The following RPS16 variants were observed in gnomAD, a reference collection of about 807,000 sequenced individuals.
RPS16 encodes the protein ribosomal protein S16.
Under a neutral mutation model 20.1 loss-of-function variants are expected in RPS16, and 2 were observed. The observed-to-expected ratio is 0.10, with a 90% CI of 0.04 to 0.31. The LOEUF (loss-of-function observed/expected upper bound fraction) is 0.31, where lower values mean the gene tolerates loss of function less well. Ranked by LOEUF, RPS16 falls within the 10% of genes least tolerant of loss-of-function variation. RPS16 has a pLI of 1.00. For synonymous variants in RPS16, 95 were observed against 76.1 expected, an observed-to-expected ratio of 1.25 and a Z score of -1.29; for missense variants, 129 against 198.6, an observed-to-expected ratio of 0.65 and a Z score of 2.11.
chr19:39,433,210 T>A lies in RPS16; in HGVS notation c.*63A>T. ...CAACACATAAGGCCACACACAGTTC[T>A]TGAAACTTTAAAATCCCTCAAAAAC... On this transcript the variant is annotated 3_prime_UTR_variant, in exon 5 of 5. Coordinates refer to ENST00000251453, the MANE Select transcript of RPS16 (RefSeq NM_001020.6). 1 of 1,560,316 alleles carries A rather than the reference T, an allele frequency of 6.4e-7. No individual in the cohort carries two copies. The highest frequency in any genetic ancestry group is 8.8e-7 in the Non-Finnish European group (1 of 1,137,176).
rs773497612 is a variant in RPS16, at chr19:39,435,906, G to A, written c.-11C>T. On this transcript the variant is annotated 5_prime_UTR_variant, in exon 1 of 5. The change creates a new upstream start codon in the 5' untranslated region. Transcript: ENST00000251453. The stretch of plus-strand genomic sequence containing the variant: ...GCCCTTGGACGGCATGGCTCCGAGC[G>A]TGGACTAGACAACCTCACCGCGCGG... The A allele has an allele frequency of 5.6e-6, 9 of 1,604,100 alleles. No homozygotes were observed. Among genetic ancestry groups the A allele is most frequent in the South Asian group, 1.1e-5 (1 of 91,086 alleles).
At position 39,433,169 on chromosome 19, in the gene RPS16, G is replaced by C; in HGVS notation, c.*104C>G. On this transcript the variant is annotated 3_prime_UTR_variant, in exon 5 of 5. Transcript: ENST00000251453. ...CAGGATGTTTACTGATTTCTGTCTG[G>C]TTAAACATCCAATACCAACACATAA... 8.0e-7 allele frequency: 1 copy of C among 1,252,212 alleles called. No individual in the cohort carries two copies. The highest frequency in any genetic ancestry group is 1.5e-5 in the African/African-American group (1 of 66,682). 77.6% of individuals were successfully genotyped at this position (1,252,212 alleles called of 1,614,324 possible).
Position 39,433,161 on chromosome 19 carries a change from T to G in RPS16, c.*112A>C, listed in dbSNP as rs533968275. On this transcript the variant is annotated 3_prime_UTR_variant, in exon 5 of 5. Coordinates refer to ENST00000251453, the MANE Select transcript of RPS16 (RefSeq NM_001020.6). ...AATAGGTCCAGGATGTTTACTGATT[T>G]CTGTCTGGTTAAACATCCAATACCA... 2.5e-6 allele frequency: 3 copies of G among 1,186,904 alleles called. No individual in the cohort carries two copies. The African/African-American group carries it at 4.6e-5, about 18-fold the overall frequency. 73.5% of individuals were successfully genotyped at this position (1,186,904 alleles called of 1,614,324 possible).
intron 2 of RPS16, 92 bp from the exon 3 acceptor site, chr19:39,433,853 C>G: frequency 8.3e-7 from 1 of 1,211,592 alleles, no homozygotes; most frequent in Non-Finnish European, 1.2e-6. Context: ...CTTCTGCCAC[C>G]ACTGGCCTTC....
chr19:39,433,507 C>G lies in RPS16; in HGVS notation c.295+15G>C, dbSNP rs1434596896. On this transcript the variant is annotated intron_variant, in intron 4 of 4. Coordinates refer to ENST00000251453, the MANE Select transcript of RPS16 (RefSeq NM_001020.6). ...ACACCCATCTACCTCATGGGAAGGA[C>G]CCATGCTCACTCACATTTCTGGTAA... 2 of 1,614,022 alleles carry G rather than the reference C, an allele frequency of 1.2e-6. No homozygotes were observed. The highest frequency in any genetic ancestry group is 4.5e-5 in the East Asian group (2 of 44,874).
chr19:39,435,250 G>C, intron 2 of RPS16: 1 of 221,256 alleles, frequency 4.5e-6, no homozygotes, highest in South Asian at 8.2e-5. Flanking sequence ...AGTGATCCGA[G>C]ATCGCGCCAC....
chr19:39,433,439 G>A (rs754482509), intron 4 of RPS16, 21 bp from the exon 5 acceptor site: 48 of 1,613,650 alleles, frequency 3.0e-5, no homozygotes, highest in South Asian at 1.5e-4. Flanking sequence ...GAGCAGGGAC[G>A]AGGATTTAGA....
chr19:39,433,498 TG>T, intron 4 of RPS16, 23 bp downstream of exon 4: 1 of 1,613,342 alleles, frequency 6.2e-7, no homozygotes, highest in Non-Finnish European at 8.5e-7. Context: ...ATCTACCTCA[TG>T]GGAAGGACCC....
intron 2 of RPS16, chr19:39,434,905 G>A (rs1024889454): frequency 6.6e-6 from 1 of 152,152 alleles, no homozygotes; most frequent in Non-Finnish European, 1.5e-5. Flanking sequence ...GTTCAGAAGG[G>A]GCAGAAATCA....
intron 2 of RPS16, 195 bp from the exon 3 acceptor site, chr19:39,433,956 G>A (rs1318775474): frequency 1.0e-5 from 6 of 582,792 alleles, no homozygotes; most frequent in Admixed American, 3.0e-5. Context: ...TGAGACTGCT[G>A]AAGTGGTGTT....
intron 1 of RPS16, 65 bp from the exon 2 acceptor site, chr19:39,435,773 G>A: frequency 1.9e-6 from 3 of 1,606,174 alleles, no homozygotes; most frequent in Non-Finnish European, 1.7e-6. Context: ...TTACCCCCTA[G>A]ATTCCTGCCC....
chr19:39,433,392 T>C lies in RPS16; in HGVS notation c.322A>G (p.Ile108Val), dbSNP rs930747839. 2.5e-6 allele frequency: 4 copies of C among 1,614,094 alleles called. No individual in the cohort carries two copies. The East Asian group carries it at 8.9e-5, about 36-fold the overall frequency. The change falls in exon 5 of 5, where the codon ATC becomes GTC. Residue 108 changes from isoleucine to valine, a missense_variant. Around this residue, in one of 2 missense-constraint regions of RPS16, gnomAD observed 117 missense variants for 151.4 expected, o/e 0.77. Coordinates refer to ENST00000251453, the MANE Select transcript of RPS16 (RefSeq NM_001020.6). ...KYVDEASKKE[I>V]KDILIQYDRT... ...TCATACTGGATGAGGATGTCTTTGA[T>C]CTCCTTCTTGGAAGCCTCATCCACA...
At chr19:39,433,916 AGAG>A (rs1166942981) in intron 2 of RPS16, 155 bp from the exon 3 acceptor site, 5 of 658,354 alleles carry the variant, frequency 7.6e-6, no homozygotes, top group Non-Finnish European at 1.3e-5. Context: ...CTACAGACCC[AGAG>A]AAGAGGAAAG....
rs757283224 is a variant in RPS16 at position 39,435,616 on chromosome 19, T to C, written c.141A>G (p.Leu47=). ...RPLEMIEPRT[L]QYKLLEPVLL... ...TGCCGGATCCCAGCACCTTGTACTG[T>C]AGCGTGCGCGGCTCAATCATCTCCA... The change falls in exon 2 of 5, where the codon CTA becomes CTG. Residue 47 remains leucine (L), a synonymous_variant. Coordinates refer to ENST00000251453, the MANE Select transcript of RPS16 (RefSeq NM_001020.6). 75 of 1,613,626 alleles carry C rather than the reference T, an allele frequency of 4.6e-5. No individual in the cohort carries two copies. The South Asian group carries it at 6.1e-4, about 13-fold the overall frequency.
In RPS16 at chr19:39,433,431, G is replaced by A. The variant is rs368986358; in HGVS notation, c.296-13C>T. 6 of 1,613,874 alleles carry A rather than the reference G, an allele frequency of 3.7e-6. No homozygotes were observed. Among genetic ancestry groups the A allele is most frequent in the African/African-American group, 2.7e-5 (2 of 74,912 alleles). On this transcript the variant is annotated splice_polypyrimidine_tract_variant and intron_variant, in intron 4 of 4. Transcript: ENST00000251453. The stretch of plus-strand genomic sequence containing the variant: ...GCCTCATCCACATCTGGCAAGAAGA[G>A]CAGGGACGAGGATTTAGATAATCAC...
rs755646812 is a variant in RPS16, at chr19:39,435,916, C to A, written c.-21G>T. Reference sequence around the variant, plus strand: ...GGCATGGCTCCGAGCGTGGACTAGACAACCTCACCGCGCGGCGCCGCAACC... The same window carrying A: ...GGCATGGCTCCGAGCGTGGACTAGAAAACCTCACCGCGCGGCGCCGCAACC... On this transcript the variant is annotated 5_prime_UTR_variant, in exon 1 of 5. Coordinates refer to ENST00000251453, the MANE Select transcript of RPS16 (RefSeq NM_001020.6). The A allele has an allele frequency of 1.2e-6, 2 of 1,603,334 alleles. No homozygotes were observed. The highest frequency in any genetic ancestry group is 3.3e-5 in the Admixed American group (2 of 60,022).
At position 39,433,272 on chromosome 19, in the gene RPS16, C is replaced by CTT. The variant is rs2078839977; in HGVS notation, c.440_441dup. 2 of 1,612,394 alleles carry CTT rather than the reference C, an allele frequency of 1.2e-6. No homozygotes were observed. On this transcript the variant is annotated 3_prime_UTR_variant, in exon 5 of 5. Transcript: ENST00000251453. ...CAAGTGAGTTTTGAGTCACGATGGGCTTATCGGTAGGATTTCTGGTAGCGA... is the reference window on the plus strand; with the variant it reads ...CAAGTGAGTTTTGAGTCACGATGGGCTTTTATCGGTAGGATTTCTGGTAGCGA...
In RPS16 at chr19:39,435,592, G is replaced by A. The variant is rs1241627751; in HGVS notation, c.150+15C>T. 1 of 1,607,564 alleles carries A rather than the reference G, an allele frequency of 6.2e-7. No individual in the cohort carries two copies. The highest frequency in any genetic ancestry group is 8.5e-7 in the Non-Finnish European group (1 of 1,175,798). ...AGTCCTCCATCCACTCAACGCCGGT[G>A]CCGGATCCCAGCACCTTGTACTGTA... On this transcript the variant is annotated intron_variant, in intron 2 of 4. Transcript: ENST00000251453.
Position 39,433,147 on chromosome 19 carries a change from G to A in RPS16, c.*126C>T, listed in dbSNP as rs1266860977. Reference sequence around the variant, plus strand: ...AAATCCAGACTGGCAATAGGTCCAGGATGTTTACTGATTTCTGTCTGGTTA... The same window carrying A: ...AAATCCAGACTGGCAATAGGTCCAGAATGTTTACTGATTTCTGTCTGGTTA... On this transcript the variant is annotated 3_prime_UTR_variant, in exon 5 of 5. Coordinates refer to ENST00000251453, the MANE Select transcript of RPS16 (RefSeq NM_001020.6). 1 of 1,074,974 alleles carries A rather than the reference G, an allele frequency of 9.3e-7. No homozygotes were observed. Among genetic ancestry groups the A allele is most frequent in the South Asian group, 1.5e-5 (1 of 67,344 alleles). The allele number at this position is 1,074,974 out of a possible 1,614,324, so 66.6% of individuals were successfully genotyped here.
Sources: gnomAD v4.1 joint callset for allele counts on GRCh38, gnomAD v4.1.1 for gene constraint, gnomAD v4.1.1 regional missense constraint, MANE v1.5 for transcripts, NCBI Gene and HGNC (gene_info 2026-07-23, HGNC 2026-07-21) for gene names.